CFDP1: variants seen among roughly 807,000 people sequenced by gnomAD.
The protein encoded by CFDP1 is chromatin remodeling protein CFDP1, also known as heterochromatin-stabilizing protein CFDP1.
CFDP1 carries 31 observed loss-of-function variants against 40.1 expected under a neutral mutation model. The observed-to-expected ratio is 0.77, with a 90% CI of 0.58 to 1.04. CFDP1 has a LOEUF of 1.04. Ranked by LOEUF, CFDP1 falls within the 50% of genes least tolerant of loss-of-function variation. The pLI, the probability that CFDP1 is intolerant of heterozygous loss-of-function variation, is 0.00. For missense variants in CFDP1, 423 were observed against 343.4 expected (o/e 1.23, Z -1.83); for synonymous variants, 167 against 120.0 (o/e 1.39, Z -2.56).
At chr16:75,411,518 A>T (rs1352802942) in intron 4 of CFDP1, among the ~76,000 whole-genome samples, 1 of 152,226 alleles carries the variant, frequency 6.6e-6, no homozygotes, top group Non-Finnish European at 1.5e-5. Flanking sequence ...GAGAGTAATA[A>T]AGGGAGACAT....
chr16:75,368,842 C>T (rs2078733763), intron 5 of CFDP1, among the ~76,000 whole-genome samples: 1 of 152,090 alleles, frequency 6.6e-6, no homozygotes. Context: ...GCCATGTGCC[C>T]AGGCTGCTGC....
Position 75,389,672 on chromosome 16 carries a change from A to T in CFDP1, c.650+5418T>A, listed in dbSNP as rs890645614. ...TAAACTGAAGCAGCTCCCAAAATGA[A>T]AAAAGTCTGTGGGAAAAAAACTTGA... On this transcript the variant is annotated intron_variant, in intron 5 of 6. Coordinates refer to ENST00000283882, the MANE Select transcript of CFDP1 (RefSeq NM_006324.3). Among the ~76,000 whole-genome samples the T allele has an allele frequency of 2.4e-4, 9 of 37,210 alleles. No individual in the cohort carries two copies. In the East Asian group the frequency reaches 5.7e-3, roughly 24 times the overall value. 24.4% of individuals were successfully genotyped at this position (37,210 alleles called of 152,430 possible).
chr16:75,410,548 C>G (rs548033478), intron 4 of CFDP1, among the ~76,000 whole-genome samples: 15 of 151,734 alleles, frequency 9.9e-5, no homozygotes, highest in African/African-American at 3.1e-4. Context: ...CCAAGGCAGG[C>G]GGATCACGAG....
At position 75,293,756 on chromosome 16, in the gene CFDP1, C is replaced by T; in HGVS notation, c.*196G>A. 1 of 564,634 alleles carries T rather than the reference C, an allele frequency of 1.8e-6. No homozygotes were observed. Among genetic ancestry groups the T allele is most frequent in the Non-Finnish European group, 3.1e-6 (1 of 318,728 alleles). The allele number at this position is 564,634 out of a possible 1,614,324, so 35.0% of individuals were successfully genotyped here. ...AGGACCAACTTTTATTTTATTTATT[C>T]ATTTAAGGACAAATTTTTAAAAGTA... On this transcript the variant is annotated 3_prime_UTR_variant, in exon 7 of 7. Transcript: ENST00000283882.
Position 75,357,819 on chromosome 16 carries a change from C to T in CFDP1, c.650+37271G>A, listed in dbSNP as rs1048480356. On this transcript the variant is annotated intron_variant, in intron 5 of 6. Transcript: ENST00000283882. Reference sequence around the variant, plus strand: ...TAGCACTCTTAGCTTCCTTCAAGAACTTTTCTTTTGCATTTACAACTTGGC... The same window carrying T: ...TAGCACTCTTAGCTTCCTTCAAGAATTTTTCTTTTGCATTTACAACTTGGC... Among the ~76,000 whole-genome samples the T allele has an allele frequency of 2.0e-5, 3 of 152,196 alleles. No homozygotes were observed. In the East Asian group the frequency reaches 5.8e-4, roughly 29 times the overall value.
chr16:75,405,875 C>T (rs368262463), intron 4 of CFDP1, among the ~76,000 whole-genome samples: 6 of 147,904 alleles, frequency 4.1e-5, no homozygotes, highest in East Asian at 2.0e-4. Flanking sequence ...GCCAAGACTG[C>T]GCCACTGCAC....
intron 5 of CFDP1, among the ~76,000 whole-genome samples, chr16:75,315,172 C>G (rs1047884442): frequency 6.6e-6 from 1 of 151,808 alleles, no homozygotes; most frequent in Non-Finnish European, 1.5e-5. Context: ...AAAACCCCGT[C>G]TCTACAAAAA....
At chr16:75,323,448 T>C (rs534454796) in intron 5 of CFDP1, among the ~76,000 whole-genome samples, 2 of 151,770 alleles carry the variant, frequency 1.3e-5, no homozygotes, top group Admixed American at 6.6e-5. Flanking sequence ...TTTTTTTTTT[T>C]AACAAGTAGA....
intron 1 of CFDP1, among the ~76,000 whole-genome samples, chr16:75,425,409 AAAAC>A (rs1219531322): frequency 4.0e-5 from 6 of 150,930 alleles, no homozygotes; most frequent in Middle Eastern, 6.8e-3. Flanking sequence ...AAAAAAAAAA[AAAAC>A]TATATGGAAA....
At chr16:75,327,641 A>G (rs2078412254) in intron 5 of CFDP1, among the ~76,000 whole-genome samples, 1 of 152,194 alleles carries the variant, frequency 6.6e-6, no homozygotes, top group Admixed American at 6.5e-5. Context: ...ATATACACAC[A>G]TATACATGAA....
intron 5 of CFDP1, among the ~76,000 whole-genome samples, chr16:75,351,105 A>G (rs996679429): frequency 2.6e-5 from 4 of 152,218 alleles, no homozygotes; most frequent in Admixed American, 2.0e-4. Context: ...ATAAATGGAT[A>G]TTTATATGAC....
In CFDP1 at chr16:75,327,125, G is replaced by C. The variant is rs1441569390; in HGVS notation, c.651-21943C>G. 2.0e-5 allele frequency among the ~76,000 whole-genome samples: 3 copies of C among 152,110 alleles called. No individual in the cohort carries two copies. The East Asian group carries it at 5.8e-4, about 29-fold the overall frequency. ...CTACTAAAAATACAAAAAATAGCTG[G>C]GCGTGGTGGCGGACGCCTGTAGTTC... On this transcript the variant is annotated intron_variant, in intron 5 of 6. Coordinates refer to ENST00000283882, the MANE Select transcript of CFDP1 (RefSeq NM_006324.3).
At chr16:75,367,792 C>CAAAAA (rs36057090) in intron 5 of CFDP1, among the ~76,000 whole-genome samples, 2 of 105,594 alleles carry the variant, frequency 1.9e-5, no homozygotes, top group African/African-American at 3.8e-5. Flanking sequence ...CACTCCATCT[C>CAAAAA]AAAAAAAAAA....
At position 75,433,316 on chromosome 16, in the gene CFDP1, C is replaced by A; in HGVS notation, c.37G>T (p.Glu13Ter). ...GACGGCACGTAGTCCTCGTCCTCCT[C>A]CGACGTAGAGAAGTCTTCGGAGTCG... is the stretch of plus-strand genomic sequence containing the variant. ...EFDSEDFSTS[E>*]EDEDYVPSGG... The change falls in exon 1 of 7, where the codon GAG becomes TAG. Residue 13 changes from glutamate to a stop codon, truncating the protein, a stop_gained. Coordinates refer to ENST00000283882, the MANE Select transcript of CFDP1 (RefSeq NM_006324.3). LOFTEE classifies it high-confidence loss of function. 1.2e-6 allele frequency: 2 copies of A among 1,601,948 alleles called. No homozygotes were observed. Among genetic ancestry groups the A allele is most frequent in the Non-Finnish European group, 1.7e-6 (2 of 1,175,212 alleles).
intron 1 of CFDP1, among the ~76,000 whole-genome samples, chr16:75,420,138 T>TAAAAAAAAAAAAAAAAAAAAAAAAAAA (rs1567681524): frequency 3.6e-5 from 5 of 140,322 alleles, no homozygotes; most frequent in Admixed American, 7.0e-5. Flanking sequence ...AAAAAAAAAT[T>TAAAAAAAAAAAAAAAAAAAAAAAAAAA]AAAAAGCAAT....
At chr16:75,303,099 C>T (rs2078232216) in intron 6 of CFDP1, among the ~76,000 whole-genome samples, 1 of 151,270 alleles carries the variant, frequency 6.6e-6, no homozygotes, top group East Asian at 2.0e-4. Context: ...ACTTGGGAGG[C>T]TGAGGCAGGA....
intron 5 of CFDP1, among the ~76,000 whole-genome samples, chr16:75,349,665 A>AT (rs1364562458): frequency 1.9e-4 from 8 of 42,014 alleles, no homozygotes; most frequent in South Asian, 1.7e-3. Context: ...AAAAAAAAAA[A>AT]AAAAAAAAAA....
In CFDP1 at chr16:75,414,632, T is replaced by C. The variant is rs766485079; in HGVS notation, c.128A>G (p.Glu43Gly). 2.5e-6 allele frequency: 4 copies of C among 1,613,954 alleles called. No homozygotes were observed. The highest frequency in any genetic ancestry group is 3.4e-6 in the Non-Finnish European group (4 of 1,179,918). The stretch of plus-strand genomic sequence containing the variant: ...TTTCCCTTGGGTTTTCTGTGTCTGC[T>C]CTTCACCATCCACTTCATCTTCCTT... Reference protein sequence around the residue: ...LVKEDEVDGEEQTQKTQGKKR... With the variant: ...LVKEDEVDGEGQTQKTQGKKR... The change falls in exon 2 of 7, where the codon GAG (glutamate) becomes GGG (glycine). Residue 43 changes from glutamate (E) to glycine (G), a missense_variant. By Grantham distance (98) the Glu-to-Gly change is moderately conservative. Transcript: ENST00000283882.
At chr16:75,374,952 G>A (rs1217706499) in intron 5 of CFDP1, among the ~76,000 whole-genome samples, 1 of 151,888 alleles carries the variant, frequency 6.6e-6, no homozygotes, top group Non-Finnish European at 1.5e-5. Context: ...GAACAGTGGA[G>A]ACCTTACAAA....
Sources: gnomAD v4.1 joint callset for allele counts (sites outside exome capture counted in the v4.1 genomes callset) on GRCh38, gnomAD v4.1.1 for gene constraint, MANE v1.5 for transcripts, NCBI Gene and HGNC (gene_info 2026-07-23, HGNC 2026-07-21) for gene names.